Variants in IQGAP1 observed in about 807,000 individuals in gnomAD.
The protein encoded by IQGAP1 is ras GTPase-activating-like protein IQGAP1.
A neutral mutation model predicts 215.6 loss-of-function variants in IQGAP1; 66 were observed. The ratio of observed to expected loss-of-function variants is 0.31; its 90% CI spans 0.25 to 0.38. The LOEUF is 0.38. Ranked by LOEUF, IQGAP1 falls within the 10% of genes least tolerant of loss-of-function variation. IQGAP1 has a pLI of 1.00. For synonymous variants in IQGAP1, 772 were observed against 728.7 expected (o/e 1.06, Z -0.96); for missense variants, 1,712 against 1,997.1 (o/e 0.86, Z 2.72).
chr15:90,414,210 T>A (rs1965010715), intron 2 of IQGAP1, among the ~76,000 whole-genome samples: 1 of 152,000 alleles, frequency 6.6e-6, no homozygotes, highest in Admixed American at 6.6e-5. Context: ...ATCCCAGTAC[T>A]TTGGGAGATG....
chr15:90,469,618 G>A (rs1410066890), intron 18 of IQGAP1, among the ~76,000 whole-genome samples: 2 of 152,144 alleles, frequency 1.3e-5, no homozygotes, highest in South Asian at 2.1e-4. Flanking sequence ...ACACAAAACC[G>A]AGTACTGTAA....
chr15:90,399,488 G>C (rs1272383060), intron 2 of IQGAP1, among the ~76,000 whole-genome samples: 1 of 151,934 alleles, frequency 6.6e-6, no homozygotes, highest in East Asian at 1.9e-4. Context: ...ACTTTCTCTC[G>C]TATTTGCTAC....
chr15:90,449,492 T>C (rs1426759311), intron 10 of IQGAP1, 67 bp from the exon 11 acceptor site: 1 of 1,285,596 alleles, frequency 7.8e-7, no homozygotes, highest in East Asian at 2.5e-5. Context: ...TTTTGAGAGA[T>C]GAGAACCTTA....
chr15:90,491,417 A>G lies in IQGAP1; in HGVS notation c.4333A>G (p.Lys1445Glu). 1 of 1,614,188 alleles carries G rather than the reference A, an allele frequency of 6.2e-7. No homozygotes were observed. Among genetic ancestry groups the G allele is most frequent in the Non-Finnish European group, 8.5e-7 (1 of 1,180,030 alleles). ...CAAGATGAAAAAGTCAAAATCTGTA[A>G]AGGAAGACAGCAACCTCACTCTTCA... ...PDKMKKSKSV[K>E]EDSNLTLQEK... is the part of the protein sequence containing the mutation. The change falls in exon 34 of 38, where the codon AAG (lysine) becomes GAG (glutamate). Residue 1445 changes from lysine to glutamate, a missense_variant. Transcript: ENST00000268182.
Position 90,500,240 on chromosome 15 carries a change from C to T in IQGAP1, c.*132C>T. The T allele has an allele frequency of 1.7e-6, 1 of 599,028 alleles. No individual in the cohort carries two copies. Among genetic ancestry groups the T allele is most frequent in the Non-Finnish European group, 3.0e-6 (1 of 330,990 alleles). 37.1% of individuals were successfully genotyped at this position (599,028 alleles called of 1,614,324 possible). A position where few individuals can be genotyped will look rare whatever the true frequency, so the allele number is the denominator to read the frequency against. ...ACCTCAATCTGATACACTCCCGATGCCACATTTTTAACTCCTCTCGCTCTG... is the reference window on the plus strand; with the variant it reads ...ACCTCAATCTGATACACTCCCGATGTCACATTTTTAACTCCTCTCGCTCTG... On this transcript the variant is annotated 3_prime_UTR_variant, in exon 38 of 38. Transcript: ENST00000268182.
At chr15:90,497,516 G>A (rs549785850) in intron 37 of IQGAP1, among the ~76,000 whole-genome samples, 176 bp downstream of exon 37, 3 of 152,318 alleles carry the variant, frequency 2.0e-5, no homozygotes, top group South Asian at 2.1e-4. Flanking sequence ...TGGTGTGTGC[G>A]CTCTGGAGAG....
Position 90,477,077 on chromosome 15 carries a change from C to T in IQGAP1, c.2951C>T (p.Thr984Ile), listed in dbSNP as rs1178112533. ...TTGGTTTTATTTCAGACCAATCCCA[C>T]CTATCTGGCCAAGCTCATTTTTCAG... Reference protein sequence around the residue: ...HLFYLLQTNPTYLAKLIFQMP... With the variant: ...HLFYLLQTNPIYLAKLIFQMP... Residue 984 changes from threonine to isoleucine, a missense_variant, in exon 25 of 38, where the codon ACC becomes ATC. This residue lies in a region of IQGAP1 where 691 missense variants were observed against 923.0 expected (regional missense o/e 0.75). Transcript: ENST00000268182. The T allele has an allele frequency of 3.7e-6, 6 of 1,614,050 alleles. No individual in the cohort carries two copies. Among genetic ancestry groups the T allele is most frequent in the Admixed American group, 1.7e-5 (1 of 59,998 alleles).
chr15:90,478,610 A>G (rs998873037), intron 26 of IQGAP1, among the ~76,000 whole-genome samples: 2 of 152,188 alleles, frequency 1.3e-5, no homozygotes, highest in Non-Finnish European at 2.9e-5. Flanking sequence ...GGGAAAGCCT[A>G]TCCCGGAAGA....
intron 2 of IQGAP1, among the ~76,000 whole-genome samples, chr15:90,395,488 T>C (rs2589944): frequency 0.22 from 33,467 of 151,844 alleles, 4,518 homozygotes; most frequent in East Asian, 0.56. Flanking sequence ...GCCTGGCTAA[T>C]TTTTTGTATT....
At chr15:90,470,869 A>G (rs1314708116) in intron 18 of IQGAP1, among the ~76,000 whole-genome samples, 1 of 152,056 alleles carries the variant, frequency 6.6e-6, no homozygotes, top group Non-Finnish European at 1.5e-5. Context: ...ACTCTCTTCT[A>G]ATTTTCCTGC....
chr15:90,463,436 G>C (rs996391722), intron 15 of IQGAP1, among the ~76,000 whole-genome samples: 1 of 152,142 alleles, frequency 6.6e-6, no homozygotes, highest in Non-Finnish European at 1.5e-5. Flanking sequence ...GGATTTTTCT[G>C]CTGCTTCTCT....
chr15:90,486,319 A>T, intron 31 of IQGAP1, 187 bp downstream of exon 31: 1 of 474,148 alleles, frequency 2.1e-6, no homozygotes, highest in African/African-American at 2.0e-5. Flanking sequence ...GATGTGATCA[A>T]TATCTATAAG....
At chr15:90,482,706 G>T (rs369935761) in intron 28 of IQGAP1, 1 of 997,334 alleles carries the variant, frequency 1.0e-6, no homozygotes, top group Non-Finnish European at 1.2e-6. Flanking sequence ...TCCTAGTTCT[G>T]TGCTTTCCTA....
intron 33 of IQGAP1, 47 bp downstream of exon 33, chr15:90,487,629 T>C (rs759763690): frequency 7.9e-7 from 1 of 1,270,334 alleles, no homozygotes; most frequent in East Asian, 2.3e-5. Context: ...AGATAAGCTC[T>C]CCCGATAGGC....
chr15:90,491,607 A>G (rs1292838418), intron 34 of IQGAP1, 62 bp downstream of exon 34: 1 of 1,350,524 alleles, frequency 7.4e-7, no homozygotes, highest in Non-Finnish European at 1.1e-6. Context: ...CTCGAGAGAC[A>G]GTAGCTGTTC....
At chr15:90,484,106 A>G in intron 29 of IQGAP1, 114 bp from the exon 30 acceptor site, 1 of 880,096 alleles carries the variant, frequency 1.1e-6, no homozygotes, top group Non-Finnish European at 1.8e-6. Context: ...CTCTTGAAGT[A>G]ACTGTTGACT....
chr15:90,429,308 A>C (rs953602325), intron 3 of IQGAP1, among the ~76,000 whole-genome samples: 2 of 152,188 alleles, frequency 1.3e-5, no homozygotes, highest in African/African-American at 4.8e-5. Context: ...TTCCAGTGTC[A>C]CCAGTAGATT....
intron 7 of IQGAP1, 45 bp downstream of exon 7, chr15:90,440,660 C>T: frequency 2.5e-6 from 3 of 1,197,444 alleles, no homozygotes; most frequent in Non-Finnish European, 3.6e-6. Flanking sequence ...ATTGTTGCCA[C>T]TATTTCCAAT....
intron 26 of IQGAP1, among the ~76,000 whole-genome samples, chr15:90,480,959 C>T (rs1966049683): frequency 6.6e-6 from 1 of 152,190 alleles, no homozygotes; most frequent in African/African-American, 2.4e-5. Flanking sequence ...TGAGCCACCA[C>T]ACCCGGCCTC....
Sources: gnomAD v4.1 joint callset for allele counts (sites outside exome capture counted in the v4.1 genomes callset) on GRCh38, gnomAD v4.1.1 for gene constraint, gnomAD v4.1.1 regional missense constraint, MANE v1.5 for transcripts, NCBI Gene and HGNC (gene_info 2026-07-23, HGNC 2026-07-21) for gene names.